The following FBXO21 variants were observed in gnomAD, a reference collection of about 807,000 sequenced individuals.
FBXO21 encodes F-box protein 21, also known as F-box only protein 21.
FBXO21 carries 32 observed loss-of-function variants against 76.6 expected under a neutral mutation model. That is an observed-to-expected ratio of 0.42 (90% CI 0.32 to 0.56). The LOEUF (loss-of-function observed/expected upper bound fraction) is 0.56, where lower values mean the gene tolerates loss of function less well. FBXO21 is among the 20% of genes least tolerant of loss of function. The probability of loss-of-function intolerance (pLI) is 0.16; values close to 1 mark genes in which losing one functional copy is unlikely to be tolerated. For synonymous variants in FBXO21, 328 were observed against 311.5 expected, an observed-to-expected ratio of 1.05 and a Z score of -0.56; for missense variants, 586 against 797.3, an observed-to-expected ratio of 0.73 and a Z score of 3.19.
chr12:117,157,167 C>T (rs1391108581), intron 10 of FBXO21, among the ~76,000 whole-genome samples: 1 of 150,090 alleles, frequency 6.7e-6, no homozygotes, highest in African/African-American at 2.5e-5. Context: ...GGGCAACAGA[C>T]CCAGACTGTC....
chr12:117,153,343 G>C (rs1592869688), intron 11 of FBXO21, among the ~76,000 whole-genome samples: 1 of 152,140 alleles, frequency 6.6e-6, no homozygotes, highest in South Asian at 2.1e-4. Context: ...CAGGAGCAAG[G>C]GGGGTATGGG....
At chr12:117,146,332 C>T (rs1053919829) in intron 11 of FBXO21, 55 bp from the exon 12 acceptor site, 2 of 1,458,798 alleles carry the variant, frequency 1.4e-6, no homozygotes, top group Admixed American at 2.1e-5. Flanking sequence ...TGCTGCCACA[C>T]CTTTCATCCA....
intron 1 of FBXO21, among the ~76,000 whole-genome samples, chr12:117,190,017 G>T (rs903049317): frequency 2.0e-5 from 3 of 151,752 alleles, no homozygotes; most frequent in South Asian, 2.1e-4. Flanking sequence ...TCCTAGATGC[G>T]CCATTTGGGG....
chr12:117,162,832 C>T (rs551719087), intron 9 of FBXO21, among the ~76,000 whole-genome samples: 1 of 152,216 alleles, frequency 6.6e-6, no homozygotes, highest in Non-Finnish European at 1.5e-5. Flanking sequence ...CATCTGCAGG[C>T]GCCACACCCT....
intron 7 of FBXO21, among the ~76,000 whole-genome samples, chr12:117,170,855 T>C (rs951947018): frequency 2.0e-5 from 3 of 152,166 alleles, no homozygotes; most frequent in Admixed American, 2.0e-4. Flanking sequence ...TTAAGAATAT[T>C]TTGGAGATAC....
intron 4 of FBXO21, among the ~76,000 whole-genome samples, chr12:117,177,296 AAC>A (rs1459005735): frequency 6.6e-6 from 1 of 152,242 alleles, no homozygotes; most frequent in Non-Finnish European, 1.5e-5. Flanking sequence ...ATCTTTAAAA[AAC>A]ACTATTTCTT....
chr12:117,179,410 T>G (rs936875608), intron 3 of FBXO21, among the ~76,000 whole-genome samples: 2 of 152,254 alleles, frequency 1.3e-5, no homozygotes, highest in Non-Finnish European at 2.9e-5. Flanking sequence ...CGAGTCTGTT[T>G]TGATGCCTTC....
chr12:117,161,056 T>C (rs1338810449), intron 9 of FBXO21, among the ~76,000 whole-genome samples: 3 of 152,048 alleles, frequency 2.0e-5, no homozygotes, highest in Admixed American at 6.6e-5. Flanking sequence ...TTAAAGAACA[T>C]GTTCTAATGG....
At chr12:117,146,499 G>A (rs1236879136) in intron 11 of FBXO21, among the ~76,000 whole-genome samples, 4 of 152,180 alleles carry the variant, frequency 2.6e-5, no homozygotes, top group South Asian at 2.1e-4. Context: ...AGCTCCCCAC[G>A]GAACAGCAGG....
chr12:117,151,051 A>G (rs79463281), intron 11 of FBXO21, among the ~76,000 whole-genome samples: 2,443 of 151,062 alleles, frequency 0.016, 77 homozygotes, highest in African/African-American at 0.056. Flanking sequence ...GGAAGCATCA[A>G]ATAAGTTATG....
Position 117,189,229 on chromosome 12 carries a change from G to C in FBXO21, c.373C>G (p.His125Asp). The C allele has an allele frequency of 6.2e-7, 1 of 1,614,160 alleles. No homozygotes were observed. Among genetic ancestry groups the C allele is most frequent in the Non-Finnish European group, 8.5e-7 (1 of 1,180,026 alleles). The change falls in exon 2 of 12, where the codon CAC becomes GAC. Residue 125 changes from histidine (H) to aspartate (D), a missense_variant and splice_region_variant. This residue lies in a region of FBXO21 where 246 missense variants were observed against 356.8 expected (regional missense o/e 0.69). Transcript: ENST00000622495. ...ASFSKRFFSE[H>D]VPCNGFSDIE... ...GAGCCACATCAACAGATCCTTACGT[G>C]CTCTGAAAAGAACCTCTTTGAGAAC...
rs1448519022 is a variant in FBXO21, at chr12:117,143,559, G to C, written c.*2528C>G. On this transcript the variant is annotated 3_prime_UTR_variant, in exon 12 of 12. Transcript: ENST00000622495. Reference sequence around the variant, plus strand: ...ACATAATTCAGAAAGTGCAATCTTTGCATGACAACCAGATAATTCTCAAAG... The same window carrying C: ...ACATAATTCAGAAAGTGCAATCTTTCCATGACAACCAGATAATTCTCAAAG... The C allele has an allele frequency of 6.6e-6, 1 of 152,186 alleles. No individual in the cohort carries two copies. The highest frequency in any genetic ancestry group is 1.5e-5 in the Non-Finnish European group (1 of 68,042). The allele number at this position is 152,186 out of a possible 1,614,324, so 9.4% of individuals were successfully genotyped here. A position where few individuals can be genotyped will look rare whatever the true frequency, so the allele number is the denominator to read the frequency against.
Position 117,146,065 on chromosome 12 carries a change from G to C in FBXO21, c.*22C>G, listed in dbSNP as rs1955765736. On this transcript the variant is annotated 3_prime_UTR_variant, in exon 12 of 12. Coordinates refer to ENST00000622495, the MANE Select transcript of FBXO21 (RefSeq NM_015002.3). Reference sequence around the variant, plus strand: ...CTTGGAAGATAGCAGCAGCAGCAAAGGTGCAATGTCCTCTCTAGACTTTAC... The same window carrying C: ...CTTGGAAGATAGCAGCAGCAGCAAACGTGCAATGTCCTCTCTAGACTTTAC... 1 of 1,531,282 alleles carries C rather than the reference G, an allele frequency of 6.5e-7. No homozygotes were observed. The highest frequency in any genetic ancestry group is 1.3e-5 in the South Asian group (1 of 77,826). 94.9% of individuals were successfully genotyped at this position (1,531,282 alleles called of 1,614,324 possible).
At position 117,180,425 on chromosome 12, in the gene FBXO21, G is replaced by C. The variant is rs1245875485; in HGVS notation, c.471-2784C>G. Among the ~76,000 whole-genome samples, 4 of 152,268 alleles carry C rather than the reference G, an allele frequency of 2.6e-5. No individual in the cohort carries two copies. The South Asian group carries it at 6.2e-4, about 24-fold the overall frequency. ...ATAAAATACCTTTTGAGTTCACACTGGCACTTCTAATTCAAAAATATATGT... is the reference window on the plus strand; with the variant it reads ...ATAAAATACCTTTTGAGTTCACACTCGCACTTCTAATTCAAAAATATATGT... On this transcript the variant is annotated intron_variant, in intron 3 of 11. Transcript: ENST00000622495.
intron 9 of FBXO21, among the ~76,000 whole-genome samples, chr12:117,162,764 A>G (rs1309703320): frequency 6.6e-6 from 1 of 152,190 alleles, no homozygotes; most frequent in Admixed American, 6.5e-5. Flanking sequence ...ATACACACAT[A>G]TGTAAAAATA....
intron 2 of FBXO21, 114 bp downstream of exon 2, chr12:117,189,113 A>G (rs1355687334): frequency 5.1e-6 from 6 of 1,180,304 alleles, no homozygotes; most frequent in Non-Finnish European, 7.5e-6. Flanking sequence ...TGAGTAAGGG[A>G]TTGTGAGAGC....
chr12:117,153,025 G>A (rs1164275137), intron 11 of FBXO21, among the ~76,000 whole-genome samples: 1 of 152,014 alleles, frequency 6.6e-6, no homozygotes, highest in African/African-American at 2.4e-5. Flanking sequence ...AGATCCCTAG[G>A]GCCTGGTAAA....
chr12:117,176,606 G>A (rs947070158), intron 4 of FBXO21, among the ~76,000 whole-genome samples: 1 of 152,070 alleles, frequency 6.6e-6, no homozygotes, highest in African/African-American at 2.4e-5. Context: ...GGAGGGAAGG[G>A]GGGGTAATGT....
At chr12:117,177,872 A>G (rs1415276979) in intron 3 of FBXO21, among the ~76,000 whole-genome samples, 1 of 152,206 alleles carries the variant, frequency 6.6e-6, no homozygotes, top group African/African-American at 2.4e-5. Context: ...ACTTGCCTGT[A>G]TCTTTCATAA....
Sources: gnomAD v4.1 joint callset for allele counts (sites outside exome capture counted in the v4.1 genomes callset) on GRCh38, gnomAD v4.1.1 for gene constraint, gnomAD v4.1.1 regional missense constraint, MANE v1.5 for transcripts, NCBI Gene and HGNC (gene_info 2026-07-23, HGNC 2026-07-21) for gene names.